Variants in POLQ observed in about 807,000 individuals in gnomAD.
POLQ encodes DNA polymerase theta.
POLQ carries 233 observed loss-of-function variants against 259.2 expected under a neutral mutation model. That is an observed-to-expected ratio of 0.90 (90% CI 0.81 to 1.00). The LOEUF (loss-of-function observed/expected upper bound fraction) is 1.00, where lower values mean the gene tolerates loss of function less well. Ranked by LOEUF, POLQ falls within the 50% of genes least tolerant of loss-of-function variation. The pLI, the probability that POLQ is intolerant of heterozygous loss-of-function variation, is 0.00. For missense variants in POLQ, 2,871 were observed against 3,051.6 expected, an observed-to-expected ratio of 0.94 and a Z score of 1.39; for synonymous variants, 1,025 against 1,048.8, an observed-to-expected ratio of 0.98 and a Z score of 0.44.
At chr3:121,531,503 C>A (rs1057359598) in intron 6 of POLQ, among the ~76,000 whole-genome samples, 2 of 152,134 alleles carry the variant, frequency 1.3e-5, no homozygotes, top group African/African-American at 4.8e-5. Context: ...GGATGTAGAT[C>A]ATGTAGGACC....
intron 9 of POLQ, among the ~76,000 whole-genome samples, chr3:121,513,437 A>T (rs2108809333): frequency 6.6e-6 from 1 of 151,724 alleles, no homozygotes; most frequent in East Asian, 2.0e-4. Context: ...CCCCGCCTCT[A>T]CTAAAAATAC....
chr3:121,474,302 A>C (rs2047908350), intron 20 of POLQ, among the ~76,000 whole-genome samples: 1 of 152,162 alleles, frequency 6.6e-6, no homozygotes, highest in African/African-American at 2.4e-5. Context: ...ACAAAAAGTT[A>C]GGAGAAGGTG....
intron 14 of POLQ, among the ~76,000 whole-genome samples, chr3:121,496,377 A>T (rs2048124658): frequency 6.6e-6 from 1 of 151,952 alleles, no homozygotes; most frequent in Non-Finnish European, 1.5e-5. Flanking sequence ...GGGTTTCACC[A>T]TCTTGGCCAG....
chr3:121,465,108 A>G (rs1170609242), intron 24 of POLQ, among the ~76,000 whole-genome samples: 24 of 147,154 alleles, frequency 1.6e-4, no homozygotes, highest in Non-Finnish European at 6.0e-5. Context: ...TTTTTTTGAC[A>G]TAGGGTCTTG....
intron 8 of POLQ, among the ~76,000 whole-genome samples, chr3:121,521,179 T>C (rs186697625): frequency 6.8e-4 from 104 of 152,318 alleles, no homozygotes; most frequent in Admixed American, 3.7e-3. Context: ...AAGCAACTCA[T>C]AAGTTTTAAA....
rs748850996 is a variant in POLQ at position 121,522,284 on chromosome 3, C to CTTTTT, written c.1109-140_1109-136dup. The CTTTTT allele has an allele frequency of 1.2e-3, 70 of 56,312 alleles. 18 individuals are homozygous for CTTTTT. Among genetic ancestry groups the CTTTTT allele is most frequent in the East Asian group, 5.5e-3 (8 of 1,456 alleles). 3.5% of individuals were successfully genotyped at this position (56,312 alleles called of 1,614,324 possible). On this transcript the variant is annotated intron_variant, in intron 7 of 29. Coordinates refer to ENST00000264233, the MANE Select transcript of POLQ (RefSeq NM_199420.4). ...GCATACTATATAATCCCCTGGAGAT[C>CTTTTT]TTTTTTTTTTTTTTTTTTTTTTTTT...
intron 27 of POLQ, among the ~76,000 whole-genome samples, chr3:121,438,072 G>A (rs1270067355): frequency 6.6e-6 from 1 of 152,198 alleles, no homozygotes; most frequent in East Asian, 1.9e-4. Flanking sequence ...TTACACAGGT[G>A]TAGCTCTGTG....
At chr3:121,469,089 G>A (rs2047862084) in intron 22 of POLQ, among the ~76,000 whole-genome samples, 2 of 151,436 alleles carry the variant, frequency 1.3e-5, no homozygotes, top group Admixed American at 6.6e-5. Context: ...TTAGGAGGCT[G>A]TGGCAGGAGA....
At chr3:121,494,854 T>C (rs1238014997) in intron 14 of POLQ, 3 of 1,585,778 alleles carry the variant, frequency 1.9e-6, no homozygotes, top group Admixed American at 1.7e-5. Context: ...CTGTGGCTCG[T>C]ATCACCAAGC....
At chr3:121,494,611 C>T (rs1360759220) in intron 14 of POLQ, 3 of 1,521,990 alleles carry the variant, frequency 2.0e-6, no homozygotes, top group Non-Finnish European at 2.7e-6. Context: ...AGCTGGCTGT[C>T]TTCTTGCCTG....
chr3:121,455,730 T>G (rs1319433613), intron 25 of POLQ, among the ~76,000 whole-genome samples: 1 of 152,092 alleles, frequency 6.6e-6, no homozygotes, highest in Non-Finnish European at 1.5e-5. Context: ...TCTGAAATTG[T>G]GGCAATAATC....
chr3:121,489,928 TGGCTTCTCTTTA>T lies in POLQ; in HGVS notation c.2991_3002del (p.Asn997_Pro1001delinsLys), dbSNP rs766964147. The stretch of plus-strand genomic sequence containing the variant: ...TTTTCCCCTCATTCTGAGAGGCTCC[TGGCTTCTCTTTA>T]TTTATATCTAAAGAGGCCCGTTTTC... On this transcript the variant is annotated inframe_deletion, in exon 16 of 30. Coordinates refer to ENST00000264233, the MANE Select transcript of POLQ (RefSeq NM_199420.4). 3 of 1,581,880 alleles carry T rather than the reference TGGCTTCTCTTTA, an allele frequency of 1.9e-6. No homozygotes were observed.
Position 121,493,599 on chromosome 3 carries a change from A to G in POLQ, c.2401T>C (p.Leu801=), listed in dbSNP as rs755584007. 9.9e-6 allele frequency: 16 copies of G among 1,614,006 alleles called. No individual in the cohort carries two copies. Among genetic ancestry groups the G allele is most frequent in the Non-Finnish European group, 1.1e-5 (13 of 1,180,010 alleles). ...RELCDLVRVS[L]LNAQRARVLY... ...ACCCTGGCTCTCTGAGCATTTAGTA[A>G]GGATACCCGAACCAGGTCACACAGC... Residue 801 remains leucine, a synonymous_variant, in exon 15 of 30, where the codon TTA becomes CTA. Transcript: ENST00000264233.
chr3:121,476,583 G>A lies in POLQ; in HGVS notation c.6362C>T (p.Ala2121Val), dbSNP rs1322493388. ...ACTGGTGAAAGAAAAACTGTGGCCA[G>A]CTAGTTGATAGGCCTGGGTCTCAAT... ...DAIETQAYQL[A>V]GHSFSFTSSD... Residue 2121 changes from alanine (A) to valine (V), a missense_variant, in exon 20 of 30, where the codon GCT becomes GTT. Ala to Val is a moderately conservative substitution (Grantham distance 64, BLOSUM62 0). Coordinates refer to ENST00000264233, the MANE Select transcript of POLQ (RefSeq NM_199420.4). 6.2e-7 allele frequency: 1 copy of A among 1,613,748 alleles called. No individual in the cohort carries two copies. The highest frequency in any genetic ancestry group is 2.2e-5 in the East Asian group (1 of 44,886).
intron 25 of POLQ, among the ~76,000 whole-genome samples, chr3:121,452,497 T>G (rs1014539045): frequency 1.3e-4 from 20 of 151,794 alleles, no homozygotes; most frequent in African/African-American, 4.8e-4. Context: ...ACTCCTGTTT[T>G]TTTTTTTTTT....
In POLQ at chr3:121,459,121, G is replaced by C. The variant is rs77105040; in HGVS notation, c.7152+929C>G. 4.3e-3 allele frequency among the ~76,000 whole-genome samples: 658 copies of C among 152,260 alleles called. 3 individuals are homozygous for C. Among genetic ancestry groups the C allele is most frequent in the Non-Finnish European group, 6.8e-3 (464 of 68,020 alleles). ...TTACTCTTTGCCTAATAGTTATCCA[G>C]AGTAGAAACTAACATGGATCCATTT... On this transcript the variant is annotated intron_variant, in intron 25 of 29. Coordinates refer to ENST00000264233, the MANE Select transcript of POLQ (RefSeq NM_199420.4).
At chr3:121,537,285 C>T in intron 4 of POLQ, 77 bp from the exon 5 acceptor site, 1 of 808,588 alleles carries the variant, frequency 1.2e-6, no homozygotes, top group Non-Finnish European at 2.1e-6. Flanking sequence ...CTTTATTTCA[C>T]TCTATTTAAT....
chr3:121,436,319 T>C (rs764914088), intron 27 of POLQ, 44 bp from the exon 28 acceptor site: 3 of 1,600,820 alleles, frequency 1.9e-6, no homozygotes, highest in South Asian at 2.2e-5. Flanking sequence ...TATGCCAACA[T>C]GGTTTCATAC....
At chr3:121,500,073 G>A (rs1002566407) in intron 12 of POLQ, among the ~76,000 whole-genome samples, 2 of 152,146 alleles carry the variant, frequency 1.3e-5, no homozygotes, top group Non-Finnish European at 2.9e-5. Context: ...TTGAGCTCAG[G>A]AGTTTGAGAT....
Sources: gnomAD v4.1 joint callset for allele counts (sites outside exome capture counted in the v4.1 genomes callset) on GRCh38, gnomAD v4.1.1 for gene constraint, MANE v1.5 for transcripts, NCBI Gene and HGNC (gene_info 2026-07-23, HGNC 2026-07-21) for gene names.